Variants in PTPRD observed in about 807,000 individuals in gnomAD.
PTPRD encodes receptor-type tyrosine-protein phosphatase delta.
Under a neutral mutation model 214.5 loss-of-function variants are expected in PTPRD, and 34 were observed. That is an observed-to-expected ratio of 0.16 (90% confidence interval 0.12 to 0.21). The LOEUF (loss-of-function observed/expected upper bound fraction) is 0.21, where lower values mean the gene tolerates loss of function less well. Ranked by LOEUF, PTPRD falls within the 10% of genes least tolerant of loss-of-function variation. The pLI is 1.00. For missense variants in PTPRD, 2,545 were observed against 2,398.7 expected (o/e 1.06, Z -1.27); for synonymous variants, 1,128 against 845.7 (o/e 1.33, Z -5.79).
intron 3 of PTPRD, among the ~76,000 whole-genome samples, chr9:10,056,971 A>T (rs981057465): frequency 6.6e-6 from 1 of 152,156 alleles, no homozygotes; most frequent in African/African-American, 2.4e-5. Flanking sequence ...GTGAATTTGT[A>T]TCAAGTAGAG....
chr9:8,605,447 T>A (rs56411145), intron 14 of PTPRD, among the ~76,000 whole-genome samples: 1 of 151,950 alleles, frequency 6.6e-6, no homozygotes, highest in African/African-American at 2.4e-5. Context: ...CCTGAAACCA[T>A]TGGGTCAAAG....
intron 7 of PTPRD, among the ~76,000 whole-genome samples, chr9:9,672,966 T>A (rs904807456): frequency 2.0e-5 from 3 of 152,114 alleles, no homozygotes; most frequent in Admixed American, 6.6e-5. Context: ...AAATCCCTGT[T>A]AACTAAGAGA....
chr9:9,751,426 A>G (rs997435775), intron 6 of PTPRD, among the ~76,000 whole-genome samples: 2 of 152,144 alleles, frequency 1.3e-5, no homozygotes, highest in African/African-American at 4.8e-5. Context: ...TACAATGGGA[A>G]TAATAATGAG....
At chr9:9,009,384 C>T (rs561101410) in intron 11 of PTPRD, among the ~76,000 whole-genome samples, 8 of 152,000 alleles carry the variant, frequency 5.3e-5, no homozygotes, top group South Asian at 2.1e-4. Flanking sequence ...TGTCTAAAGG[C>T]TCCACAAATT....
At chr9:10,390,093 T>G (rs920592080) in intron 2 of PTPRD, among the ~76,000 whole-genome samples, 4 of 151,776 alleles carry the variant, frequency 2.6e-5, no homozygotes, top group Non-Finnish European at 5.9e-5. Flanking sequence ...TAGGAGCAAA[T>G]AAAGAAAATA....
chr9:10,162,678 T>C (rs1339323970), intron 3 of PTPRD, among the ~76,000 whole-genome samples: 7 of 147,112 alleles, frequency 4.8e-5, no homozygotes, highest in Non-Finnish European at 9.0e-5. Flanking sequence ...TGTATATACA[T>C]GTATATATGT....
At chr9:10,374,668 C>T (rs1385514672) in intron 2 of PTPRD, among the ~76,000 whole-genome samples, 1 of 151,976 alleles carries the variant, frequency 6.6e-6, no homozygotes, top group African/African-American at 2.4e-5. Context: ...TAATATGAAG[C>T]GTGATGCAGT....
chr9:9,249,490 T>C (rs1011645207), intron 9 of PTPRD, among the ~76,000 whole-genome samples: 4 of 152,124 alleles, frequency 2.6e-5, no homozygotes, highest in African/African-American at 9.6e-5. Flanking sequence ...AAAATTTGTC[T>C]TGACCAAATC....
intron 5 of PTPRD, among the ~76,000 whole-genome samples, chr9:9,829,034 T>G (rs1490028136): frequency 6.6e-6 from 1 of 151,936 alleles, no homozygotes; most frequent in African/African-American, 2.4e-5. Flanking sequence ...TTACTACTGA[T>G]GCATCCTGAT....
chr9:8,489,714 T>C (rs763828827), intron 27 of PTPRD, among the ~76,000 whole-genome samples: 6 of 152,118 alleles, frequency 3.9e-5, no homozygotes, highest in African/African-American at 4.8e-5. Flanking sequence ...GGAATCAGGA[T>C]AGGATAAAAA....
chr9:9,267,952 C>T (rs549965627), intron 9 of PTPRD, among the ~76,000 whole-genome samples: 1 of 151,112 alleles, frequency 6.6e-6, no homozygotes, highest in East Asian at 2.0e-4. Context: ...AAAGCTTTTC[C>T]TCTAAAATCA....
chr9:9,773,672 T>C (rs1045113876), intron 5 of PTPRD, among the ~76,000 whole-genome samples: 4 of 152,218 alleles, frequency 2.6e-5, no homozygotes, highest in Non-Finnish European at 5.9e-5. Flanking sequence ...AGCAAATTCA[T>C]ATTTTTACAA....
At chr9:10,068,104 A>T (rs1301027515) in intron 3 of PTPRD, among the ~76,000 whole-genome samples, 2 of 151,972 alleles carry the variant, frequency 1.3e-5, no homozygotes, top group African/African-American at 4.8e-5. Context: ...GTCTATTGAA[A>T]TTACCAACAC....
chr9:9,925,399 G>C (rs567122614), intron 5 of PTPRD, among the ~76,000 whole-genome samples: 151 of 152,162 alleles, frequency 9.9e-4, no homozygotes, highest in African/African-American at 3.5e-3. Flanking sequence ...GGTGACTGCT[G>C]AATGTTTGGT....
At chr9:8,828,501 T>C (rs1364234766) in intron 11 of PTPRD, among the ~76,000 whole-genome samples, 1 of 152,122 alleles carries the variant, frequency 6.6e-6, no homozygotes, top group African/African-American at 2.4e-5. Context: ...TCCAGAACTG[T>C]GAGAAATAAT....
At chr9:8,636,905 C>A in intron 12 of PTPRD, 61 bp from the exon 13 acceptor site, 1 of 1,543,392 alleles carries the variant, frequency 6.5e-7, no homozygotes, top group Non-Finnish European at 8.9e-7. Context: ...TATTATCCTA[C>A]TACCGCTGCT....
intron 10 of PTPRD, among the ~76,000 whole-genome samples, chr9:9,062,579 T>C (rs67994808): frequency 2.2e-5 from 2 of 91,440 alleles, no homozygotes; most frequent in Non-Finnish European, 4.6e-5. Context: ...TATCTATCTA[T>C]CTACCTACCT....
intron 8 of PTPRD, among the ~76,000 whole-genome samples, chr9:9,464,205 G>A (rs938462329): frequency 2.0e-5 from 3 of 152,104 alleles, no homozygotes; most frequent in Admixed American, 6.6e-5. Flanking sequence ...GACCTAGACT[G>A]AACTCTGGCA....
At chr9:10,165,507 T>C (rs1296232599) in intron 3 of PTPRD, among the ~76,000 whole-genome samples, 1 of 151,798 alleles carries the variant, frequency 6.6e-6, no homozygotes, top group African/African-American at 2.4e-5. Flanking sequence ...AGAAAATAAA[T>C]AGCTTCTTTG....
Sources: allele counts gnomAD v4.1 joint callset (sites outside exome capture counted in the v4.1 genomes callset), GRCh38; gene constraint gnomAD v4.1.1; transcripts MANE v1.5; gene names NCBI Gene and HGNC (gene_info 2026-07-23, HGNC 2026-07-21).